Variants in DEPTOR observed in about 807,000 individuals in gnomAD.
The protein encoded by DEPTOR is DEP domain-containing mTOR-interacting protein.
A neutral mutation model predicts 41.6 loss-of-function variants in DEPTOR; 41 were observed. That is an observed-to-expected ratio of 0.98 (90% CI 0.77 to 1.28). The LOEUF (loss-of-function observed/expected upper bound fraction) is 1.28. Ranked by LOEUF, DEPTOR falls within the 50% of genes most tolerant of loss-of-function variation. The probability of loss-of-function intolerance (pLI) is 0.00; values close to 1 mark genes in which losing one functional copy is unlikely to be tolerated. For synonymous variants in DEPTOR, 195 were observed against 192.3 expected (o/e 1.01, Z -0.12); for missense variants, 514 against 527.9 (o/e 0.97, Z 0.26).
chr8:119,914,328 C>A (rs1383434633), intron 1 of DEPTOR, among the ~76,000 whole-genome samples: 2 of 151,498 alleles, frequency 1.3e-5, no homozygotes, highest in Non-Finnish European at 2.9e-5. Flanking sequence ...AGACATGAGC[C>A]ACCGTGCCCA....
chr8:120,012,020 A>AT (rs1240589975), intron 8 of DEPTOR, among the ~76,000 whole-genome samples: 4 of 152,232 alleles, frequency 2.6e-5, no homozygotes, highest in African/African-American at 7.2e-5. Flanking sequence ...CCCTCTTAGA[A>AT]ATTTACAAAG....
chr8:119,928,553 A>G lies in DEPTOR; in HGVS notation c.276A>G (p.Leu92=). ...CGGCAATTAAACTCATGCAGAAATT[A>G]GCAGACCGGGGCATTATTCACCATG... ...RETAIKLMQK[L]ADRGIIHHVC... The change falls in exon 2 of 9, where the codon TTA becomes TTG. Residue 92 remains leucine (L), a synonymous_variant. Coordinates refer to ENST00000286234, the MANE Select transcript of DEPTOR (RefSeq NM_022783.4). 2 of 1,614,192 alleles carry G rather than the reference A, an allele frequency of 1.2e-6. No homozygotes were observed.
intron 8 of DEPTOR, among the ~76,000 whole-genome samples, chr8:120,016,899 C>T (rs949861411): frequency 1.3e-5 from 2 of 152,140 alleles, no homozygotes; most frequent in Non-Finnish European, 1.5e-5. Context: ...AGGCTTAAGC[C>T]ATCATGCCCA....
chr8:119,901,598 C>T (rs905615191), intron 1 of DEPTOR, among the ~76,000 whole-genome samples: 4 of 151,718 alleles, frequency 2.6e-5, no homozygotes, highest in African/African-American at 9.7e-5. Flanking sequence ...ATCGCTTGAA[C>T]CCAGGAGGTG....
chr8:120,001,451 A>G, intron 4 of DEPTOR, 74 bp from the exon 5 acceptor site: 1 of 1,346,606 alleles, frequency 7.4e-7, no homozygotes, highest in Non-Finnish European at 1.0e-6. Flanking sequence ...TGTTGCCTGC[A>G]GTCCTTTGGC....
chr8:119,960,170 G>T (rs1828472003), intron 3 of DEPTOR, among the ~76,000 whole-genome samples: 1 of 151,714 alleles, frequency 6.6e-6, no homozygotes, highest in South Asian at 2.1e-4. Flanking sequence ...GTTGCAGAGA[G>T]CCAAGATCAT....
intron 1 of DEPTOR, among the ~76,000 whole-genome samples, chr8:119,881,602 A>G (rs1199266006): frequency 6.6e-6 from 1 of 152,148 alleles, no homozygotes; most frequent in Non-Finnish European, 1.5e-5. Flanking sequence ...AATATGAGAT[A>G]AGGAATTTAG....
chr8:119,948,929 A>G (rs1029704671), intron 3 of DEPTOR, among the ~76,000 whole-genome samples: 1 of 152,118 alleles, frequency 6.6e-6, no homozygotes, highest in Non-Finnish European at 1.5e-5. Context: ...CTGGGATTAC[A>G]GACATGCGCC....
chr8:119,965,856 G>A (rs1828551905), intron 4 of DEPTOR, among the ~76,000 whole-genome samples: 1 of 152,180 alleles, frequency 6.6e-6, no homozygotes, highest in South Asian at 2.1e-4. Context: ...CTGCCACAGT[G>A]AAGAGTTAAG....
In DEPTOR at chr8:120,035,200, G is replaced by C. The variant is rs529371653; in HGVS notation, c.1102-14376G>C. Among the ~76,000 whole-genome samples the C allele has an allele frequency of 7.9e-5, 12 of 152,172 alleles. 1 individual carries two copies. The South Asian group carries it at 1.9e-3, about 24-fold the overall frequency. Reference sequence around the variant, plus strand: ...CCAGCCATGGTGGTGCATGCGTGTAGTCCCAGCTACTCAGGAGGCTGAGGT... The same window carrying C: ...CCAGCCATGGTGGTGCATGCGTGTACTCCCAGCTACTCAGGAGGCTGAGGT... On this transcript the variant is annotated intron_variant, in intron 8 of 8. Coordinates refer to ENST00000286234, the MANE Select transcript of DEPTOR (RefSeq NM_022783.4).
chr8:119,889,468 GC>G (rs1283418304), intron 1 of DEPTOR, among the ~76,000 whole-genome samples: 1 of 150,444 alleles, frequency 6.6e-6, no homozygotes, highest in East Asian at 2.0e-4. Flanking sequence ...GATCACTTAA[GC>G]CCAGGAGGTC....
intron 8 of DEPTOR, among the ~76,000 whole-genome samples, chr8:120,031,258 G>T (rs112891605): frequency 3.9e-5 from 6 of 152,206 alleles, no homozygotes; most frequent in African/African-American, 1.4e-4. Flanking sequence ...CCTGAGGTCA[G>T]GAGTTCAAGA....
intron 8 of DEPTOR, among the ~76,000 whole-genome samples, chr8:120,009,523 G>A (rs1008486813): frequency 2.0e-5 from 3 of 152,142 alleles, no homozygotes; most frequent in Non-Finnish European, 4.4e-5. Flanking sequence ...TGAGGCAGGA[G>A]AATCGCTTGA....
intron 8 of DEPTOR, among the ~76,000 whole-genome samples, chr8:120,030,459 G>T (rs1812868897): frequency 7.0e-6 from 1 of 143,502 alleles, no homozygotes; most frequent in African/African-American, 2.6e-5. Context: ...GTAAACCATA[G>T]ACTCTGGGTG....
intron 3 of DEPTOR, among the ~76,000 whole-genome samples, chr8:119,939,346 T>C (rs1439281364): frequency 1.3e-5 from 2 of 152,170 alleles, no homozygotes; most frequent in Non-Finnish European, 2.9e-5. Context: ...GTAGCTGAGC[T>C]CAGTCCTCTT....
chr8:120,001,985 C>T (rs1376913365), intron 5 of DEPTOR, among the ~76,000 whole-genome samples: 1 of 152,098 alleles, frequency 6.6e-6, no homozygotes, highest in Non-Finnish European at 1.5e-5. Flanking sequence ...ACAAGCCATT[C>T]TTGCCTGGCA....
chr8:120,009,381 G>A (rs1260661183), intron 8 of DEPTOR, among the ~76,000 whole-genome samples: 1 of 152,132 alleles, frequency 6.6e-6, no homozygotes, highest in Non-Finnish European at 1.5e-5. Flanking sequence ...CAGAGGCCAA[G>A]GCAGACATAT....
intron 4 of DEPTOR, among the ~76,000 whole-genome samples, chr8:119,983,000 G>C (rs759424659): frequency 2.0e-5 from 3 of 152,192 alleles, no homozygotes; most frequent in African/African-American, 4.8e-5. Flanking sequence ...TCAGCTACAA[G>C]GACAAATGTC....
intron 3 of DEPTOR, among the ~76,000 whole-genome samples, chr8:119,956,714 G>T: frequency 7.3e-6 from 1 of 137,682 alleles, no homozygotes; most frequent in Non-Finnish European, 1.6e-5. Flanking sequence ...TTTTTTAAGA[G>T]ACAGGGTTTT....
Sources: allele counts gnomAD v4.1 joint callset (sites outside exome capture counted in the v4.1 genomes callset), GRCh38; gene constraint gnomAD v4.1.1; transcripts MANE v1.5; gene names NCBI Gene and HGNC (gene_info 2026-07-23, HGNC 2026-07-21).